Variants in PUDP observed in about 807,000 individuals in gnomAD.
The protein encoded by PUDP is pseudouridine-5'-phosphatase.
In PUDP, 8 loss-of-function variants were observed where a neutral mutation model predicts 9.4. The observed-to-expected ratio is 0.85, with a 90% CI of 0.50 to 1.53. PUDP has a LOEUF of 1.53. PUDP is among the 40% of genes most tolerant of loss of function. The pLI, the probability that PUDP is intolerant of heterozygous loss-of-function variation, is 0.00. For synonymous variants in PUDP, 99 were observed against 80.7 expected (o/e 1.23, Z -1.22); for missense variants, 188 against 189.7 (o/e 0.99, Z 0.05).
At chrX:7,125,198 C>T (rs1426947321) in intron 1 of PUDP, among the ~76,000 whole-genome samples, 1 of 111,405 alleles carries the variant, frequency 9.0e-6, no homozygotes, top group Admixed American at 9.5e-5. Flanking sequence ...AAACAAACCC[C>T]AGCATGCTAG....
intron 1 of PUDP, among the ~76,000 whole-genome samples, chrX:7,015,163 T>C (rs756409686): frequency 1.8e-5 from 2 of 112,092 alleles, no homozygotes; most frequent in Non-Finnish European, 3.8e-5. Flanking sequence ...AAAAGGAAGA[T>C]TCACAGGAGA....
downstream of PUDP, among the ~76,000 whole-genome samples, chrX:7,044,150 G>A (rs189473249): frequency 1.8e-5 from 2 of 112,767 alleles, no homozygotes; most frequent in African/African-American, 6.4e-5. Context: ...TTTTCCAGAA[G>A]CAGATTCAGA....
intron 3 of PUDP, among the ~76,000 whole-genome samples, chrX:6,828,384 G>A (rs1411820124): frequency 9.0e-6 from 1 of 110,976 alleles, no homozygotes; most frequent in Non-Finnish European, 1.9e-5. Context: ...GTGTGTGTGT[G>A]TGTAAACATA....
chrX:6,782,055 T>A (rs759429658), intron 3 of PUDP, among the ~76,000 whole-genome samples: 14 of 111,386 alleles, frequency 1.3e-4, no homozygotes, highest in African/African-American at 4.6e-4. Context: ...TAAAACCACA[T>A]CGTGTCTACA....
chrX:6,805,816 T>C (rs1375330026), intron 3 of PUDP, among the ~76,000 whole-genome samples: 4 of 110,832 alleles, frequency 3.6e-5, no homozygotes, highest in Non-Finnish European at 7.5e-5. Context: ...CTGTGCCCAG[T>C]CTGGGAGAGG....
chrX:6,981,578 T>C (rs1446522738), intron 1 of PUDP, among the ~76,000 whole-genome samples: 1 of 111,647 alleles, frequency 9.0e-6, no homozygotes, highest in Non-Finnish European at 1.9e-5. Context: ...TACAAAGCCA[T>C]TTTTTAACCT....
At chrX:6,869,438 A>T (rs1927139413) in intron 3 of PUDP, among the ~76,000 whole-genome samples, 1 of 111,496 alleles carries the variant, frequency 9.0e-6, no homozygotes, top group Non-Finnish European at 1.9e-5. Flanking sequence ...AAAACTAAAA[A>T]TCTGGGCTCA....
chrX:6,970,157 T>C (rs921524192), intron 3 of PUDP, among the ~76,000 whole-genome samples: 3 of 112,020 alleles, frequency 2.7e-5, no homozygotes, highest in African/African-American at 6.5e-5. Context: ...CAAAGAAATA[T>C]AGCAATAATA....
At chrX:6,909,412 T>C (rs780037513) in intron 3 of PUDP, among the ~76,000 whole-genome samples, 21 of 112,094 alleles carry the variant, frequency 1.9e-4, no homozygotes, top group Non-Finnish European at 3.6e-4. Flanking sequence ...CTAGGGTCCT[T>C]GGGAGTTTAA....
chrX:6,826,855 C>G (rs910461076), intron 3 of PUDP, among the ~76,000 whole-genome samples: 1 of 111,721 alleles, frequency 9.0e-6, no homozygotes. Context: ...CACAGATTGA[C>G]CATAAACTCC....
chrX:7,120,640 A>T (rs941983403), intron 1 of PUDP, among the ~76,000 whole-genome samples: 1 of 112,551 alleles, frequency 8.9e-6, no homozygotes, highest in Non-Finnish European at 1.9e-5. Flanking sequence ...TCAGGAAGGA[A>T]TCAGTCCAGT....
intron 3 of PUDP, among the ~76,000 whole-genome samples, chrX:6,729,656 AC>A (rs1256743730): frequency 9.0e-6 from 1 of 111,196 alleles, no homozygotes; most frequent in African/African-American, 3.3e-5. Flanking sequence ...GTACCTCCCC[AC>A]ACATACACAC....
At chrX:6,720,140 G>GTA (rs1245906935) in intron 1 of PUDP, among the ~76,000 whole-genome samples, 1 of 102,255 alleles carries the variant, frequency 9.8e-6, no homozygotes, top group Non-Finnish European at 2.0e-5. Flanking sequence ...ATATACGTGT[G>GTA]TATATATATG....
rs1057427936 is a variant in PUDP, at chrX:6,770,707, C to T, written c.*248-64241G>A. On this transcript the variant is annotated intron_variant and NMD_transcript_variant, in intron 3 of 3. Coordinates refer to the PUDP transcript ENST00000655425. ...CTGTTTCCTCCCAAACAGCGTTTCA[C>T]ACCACCAATTCATCCACATGGTGCC... 4.5e-5 allele frequency among the ~76,000 whole-genome samples: 5 copies of T among 111,625 alleles called. No homozygotes were observed. The Admixed American group carries it at 4.8e-4, about 11-fold the overall frequency.
intron 2 of PUDP, among the ~76,000 whole-genome samples, chrX:7,087,547 C>A (rs1213639343): frequency 8.9e-6 from 1 of 112,087 alleles, no homozygotes; most frequent in Non-Finnish European, 1.9e-5. Flanking sequence ...CTTGGATAGA[C>A]TGAGGTTCTA....
chrX:6,863,681 C>T (rs1450629254), intron 3 of PUDP, among the ~76,000 whole-genome samples: 1 of 111,983 alleles, frequency 8.9e-6, no homozygotes, highest in African/African-American at 3.2e-5. Context: ...AACTATAAGA[C>T]CCAAATCCAA....
chrX:6,936,907 A>C (rs1255644966), intron 3 of PUDP, among the ~76,000 whole-genome samples: 2 of 89,948 alleles, frequency 2.2e-5, no homozygotes, highest in Non-Finnish European at 4.3e-5. Flanking sequence ...TAAAATACCT[A>C]GGAATCCAAC....
chrX:7,140,083 C>T (rs1369201350), intron 1 of PUDP, among the ~76,000 whole-genome samples: 2 of 112,125 alleles, frequency 1.8e-5, no homozygotes, highest in Non-Finnish European at 3.8e-5. Flanking sequence ...CTATGAAAAG[C>T]CATGGGGAAA....
At chrX:6,767,016 A>T (rs1457085955) in intron 3 of PUDP, among the ~76,000 whole-genome samples, 4 of 113,154 alleles carry the variant, frequency 3.5e-5, no homozygotes, top group Non-Finnish European at 5.6e-5. Flanking sequence ...AATGGTCCAT[A>T]CCAATTTTTT....
Sources: allele counts gnomAD v4.1 joint callset (sites outside exome capture counted in the v4.1 genomes callset), GRCh38; gene constraint gnomAD v4.1.1; transcripts MANE v1.5; gene names NCBI Gene and HGNC (gene_info 2026-07-23, HGNC 2026-07-21).